Variants in DUT observed in about 807,000 individuals in gnomAD.
DUT encodes deoxyuridine 5'-triphosphate nucleotidohydrolase, mitochondrial.
In DUT, 21 loss-of-function variants were observed where a neutral mutation model predicts 28.8. The observed-to-expected ratio is 0.73, with a 90% CI of 0.52 to 1.05. The LOEUF is 1.05. Ranked by LOEUF, DUT falls within the 50% of genes least tolerant of loss-of-function variation. The pLI is 0.00. For synonymous variants in DUT, 147 were observed against 143.7 expected (o/e 1.02, Z -0.17); for missense variants, 344 against 351.8 (o/e 0.98, Z 0.18).
rs749520057 is a variant in DUT at position 48,332,337 on chromosome 15, C to T, written c.350C>T (p.Ala117Val). Residue 117 changes from alanine (A) to valine (V), a missense_variant, in exon 2 of 7, where the codon GCC becomes GTC. Coordinates refer to ENST00000331200, the MANE Select transcript of DUT (RefSeq NM_001025248.2). ...GTGGGCGGCATGCAGCTCCGCTTTGCCCGGCTCTCCGAGCACGCCACGGCC... is the reference window on the plus strand; with the variant it reads ...GTGGGCGGCATGCAGCTCCGCTTTGTCCGGCTCTCCGAGCACGCCACGGCC... The part of the protein sequence containing the change: ...AEVGGMQLRF[A>V]RLSEHATAPT... 18 of 1,607,076 alleles carry T rather than the reference C, an allele frequency of 1.1e-5. No homozygotes were observed. The highest frequency in any genetic ancestry group is 1.5e-5 in the Non-Finnish European group (18 of 1,177,712).
chr15:48,334,438 A>G lies in DUT; in HGVS notation c.441A>G (p.Pro147=), dbSNP rs762653430. 6.2e-7 allele frequency: 1 copy of G among 1,607,324 alleles called. No individual in the cohort carries two copies. Among genetic ancestry groups the G allele is most frequent in the Non-Finnish European group, 8.5e-7 (1 of 1,175,836 alleles). ...TTAGTGCCTATGATTACACAATACCACCTATGGAGAAAGCTGTTGTGAAAA... is the reference window on the plus strand; with the variant it reads ...TTAGTGCCTATGATTACACAATACCGCCTATGGAGAAAGCTGTTGTGAAAA... ...DLYSAYDYTI[P]PMEKAVVKTD... Residue 147 remains proline (P), a synonymous_variant, in exon 3 of 7, where the codon CCA becomes CCG. Coordinates refer to ENST00000331200, the MANE Select transcript of DUT (RefSeq NM_001025248.2).
At position 48,336,061 on chromosome 15, in the gene DUT, T is replaced by C; in HGVS notation, c.527T>C (p.Leu176Ser). Residue 176 changes from leucine to serine, a missense_variant, in exon 4 of 7, where the codon TTG (leucine) becomes TCG (serine). Transcript: ENST00000331200. Reference protein sequence around the residue: ...CYGRVAPRSGLAAKHFIDVGA... With the variant: ...CYGRVAPRSGSAAKHFIDVGA... ...TGTTTTTTAGCTCCACGGTCAGGCT[T>C]GGCTGCAAAACACTTTATTGATGTA... 6.2e-7 allele frequency: 1 copy of C among 1,604,954 alleles called. No individual in the cohort carries two copies. Among genetic ancestry groups the C allele is most frequent in the East Asian group, 2.3e-5 (1 of 44,402 alleles).
upstream of DUT, chr15:48,331,325 G>A (rs1382231988): frequency 3.5e-6 from 5 of 1,441,396 alleles, no homozygotes; most frequent in East Asian, 2.6e-5. Context: ...CGCCAACGGC[G>A]CCGTCTTCCT....
intron 4 of DUT, 60 bp downstream of exon 4, chr15:48,336,150 G>A (rs1253538860): frequency 8.1e-6 from 11 of 1,361,250 alleles, no homozygotes; most frequent in African/African-American, 3.0e-5. Flanking sequence ...GTCTTTAAAA[G>A]GTAATATTCA....
At chr15:48,331,096 C>A, upstream of DUT, 2 of 733,948 alleles carry the variant, frequency 2.7e-6, no homozygotes, top group Admixed American at 4.8e-5. Context: ...GCCCCGGGCG[C>A]AATAACTGTC....
At chr15:48,339,751 TACTC>T (rs2042512675) in intron 4 of DUT, among the ~76,000 whole-genome samples, 1 of 152,206 alleles carries the variant, frequency 6.6e-6, no homozygotes, top group African/African-American at 2.4e-5. Context: ...CCCAGTTTTA[TACTC>T]ACTCTTCTCG....
At chr15:48,332,724 A>G (rs2042432421) in intron 2 of DUT, 1 of 568,850 alleles carries the variant, frequency 1.8e-6, no homozygotes, top group Middle Eastern at 2.7e-4. Context: ...GCTGTGCTCA[A>G]TAGAAAAACC....
chr15:48,335,928 T>C (rs773071752), intron 3 of DUT, 118 bp from the exon 4 acceptor site: 10 of 769,108 alleles, frequency 1.3e-5, no homozygotes, highest in Non-Finnish European at 1.9e-5. Context: ...TGTGCTAAAG[T>C]TAAGATGAAG....
chr15:48,332,745 C>T (rs1566872003), intron 2 of DUT: 1 of 538,914 alleles, frequency 1.9e-6, no homozygotes. Flanking sequence ...AAGGTGAGAG[C>T]CTAGATGTGA....
chr15:48,334,530 T>C, intron 3 of DUT, 22 bp downstream of exon 3: 1 of 1,530,176 alleles, frequency 6.5e-7, no homozygotes, highest in Non-Finnish European at 9.0e-7. Context: ...AAGAAACAGG[T>C]AACTATTTGT....
At position 48,341,390 on chromosome 15, in the gene DUT, A is replaced by G. The variant is rs750486663; in HGVS notation, c.631+27A>G. On this transcript the variant is annotated intron_variant, in intron 5 of 6. Coordinates refer to ENST00000331200, the MANE Select transcript of DUT (RefSeq NM_001025248.2). The stretch of plus-strand genomic sequence containing the variant: ...TATGTTAAATATATACATTCACATA[A>G]TTTTAGTGAATTTTCAGAGTCATGT... 1.9e-6 allele frequency: 3 copies of G among 1,578,146 alleles called. No individual in the cohort carries two copies. In the African/African-American group the frequency reaches 4.0e-5, roughly 21 times the overall value.
chr15:48,335,213 A>G (rs1188864812), intron 3 of DUT, among the ~76,000 whole-genome samples: 1 of 152,188 alleles, frequency 6.6e-6, no homozygotes, highest in Non-Finnish European at 1.5e-5. Flanking sequence ...ATGGAGTGAA[A>G]TAAAGGTTAG....
Position 48,341,343 on chromosome 15 carries a change from T to G in DUT, c.611T>G (p.Phe204Cys). ...AATGTTGGTGTTGTACTGTTTAATT[T>G]TGGCAAAGAAAAGTTTGAAGGTATG... The part of the protein sequence containing the change: ...RGNVGVVLFN[F>C]GKEKFEVKKG... Residue 204 changes from phenylalanine to cysteine, a missense_variant, in exon 5 of 7, where the codon TTT becomes TGT. Phe to Cys is a radical substitution (Grantham distance 205). Transcript: ENST00000331200. 6.2e-7 allele frequency: 1 copy of G among 1,611,592 alleles called. No homozygotes were observed. Among genetic ancestry groups the G allele is most frequent in the South Asian group, 1.1e-5 (1 of 90,956 alleles).
chr15:48,341,294 G>A lies in DUT; in HGVS notation c.562G>A (p.Val188Ile), dbSNP rs2042531083. Reference sequence around the variant, plus strand: ...ATTACTTTTCTTTTCTCTAGCTGGTGTCATAGATGAAGATTATAGAGGAAA... The same window carrying A: ...ATTACTTTTCTTTTCTCTAGCTGGTATCATAGATGAAGATTATAGAGGAAA... ...AKHFIDVGAG[V>I]IDEDYRGNVG... Residue 188 changes from valine (V) to isoleucine (I), a missense_variant, in exon 5 of 7, where the codon GTC (valine) becomes ATC (isoleucine). Physicochemically the swap from Val to Ile is conservative, Grantham distance 29. Transcript: ENST00000331200. The A allele has an allele frequency of 1.9e-6, 3 of 1,595,162 alleles. No individual in the cohort carries two copies. Among genetic ancestry groups the A allele is most frequent in the Non-Finnish European group, 2.6e-6 (3 of 1,172,628 alleles).
In DUT at chr15:48,336,103, C is replaced by T. The variant is rs1047909162; in HGVS notation, c.556+13C>T. On this transcript the variant is annotated intron_variant, in intron 4 of 6. Transcript: ENST00000331200. ...ATTGATGTAGGAGGTAATATATTTC[C>T]TTTTTTATTCTGTAAATGTTTGCAA... 5.7e-6 allele frequency: 9 copies of T among 1,580,356 alleles called. No individual in the cohort carries two copies. The highest frequency in any genetic ancestry group is 6.9e-6 in the Non-Finnish European group (8 of 1,167,882).
In DUT at chr15:48,332,296, G is replaced by T. The variant is rs1260107534; in HGVS notation, c.309G>T (p.Arg103=). 2 of 1,609,108 alleles carry T rather than the reference G, an allele frequency of 1.2e-6. No homozygotes were observed. Among genetic ancestry groups the T allele is most frequent in the Non-Finnish European group, 1.7e-6 (2 of 1,178,516 alleles). Reference sequence around the variant, plus strand: ...CACCCGCCATTTCACCCAGTAAGCGGGCCCGGCCTGCGGAGGTGGGCGGCA... The same window carrying T: ...CACCCGCCATTTCACCCAGTAAGCGTGCCCGGCCTGCGGAGGTGGGCGGCA... ...PETPAISPSK[R]ARPAEVGGMQ... Residue 103 remains arginine (R), a synonymous_variant, in exon 2 of 7, where the codon CGG becomes CGT. Coordinates refer to ENST00000331200, the MANE Select transcript of DUT (RefSeq NM_001025248.2).
At position 48,332,877 on chromosome 15, in the gene DUT, C is replaced by T. The variant is rs1185099623; in HGVS notation, c.419+471C>T. ...ATCTGAAAACGAAAGGCAGAGCTGCCTGTAATCTACCACACTTTCATCTCT... is the reference window on the plus strand; with the variant it reads ...ATCTGAAAACGAAAGGCAGAGCTGCTTGTAATCTACCACACTTTCATCTCT... On this transcript the variant is annotated intron_variant, in intron 2 of 6. Coordinates refer to ENST00000331200, the MANE Select transcript of DUT (RefSeq NM_001025248.2). 11 of 427,616 alleles carry T rather than the reference C, an allele frequency of 2.6e-5. No individual in the cohort carries two copies. The Admixed American group carries it at 2.8e-4, about 11-fold the overall frequency. The allele number at this position is 427,616 out of a possible 1,614,324, so 26.5% of individuals were successfully genotyped here. A position where few individuals can be genotyped will look rare whatever the true frequency, so the allele number is the denominator to read the frequency against.
chr15:48,331,372 G>C, upstream of DUT: 2 of 1,468,388 alleles, frequency 1.4e-6, no homozygotes, highest in East Asian at 2.6e-5. Flanking sequence ...GGGCTGCCGG[G>C]GCACCGCCTC....
intron 4 of DUT, among the ~76,000 whole-genome samples, chr15:48,338,287 A>C (rs1441493290): frequency 2.0e-5 from 3 of 151,968 alleles, no homozygotes; most frequent in Admixed American, 2.0e-4. Flanking sequence ...GGTTTTTCAC[A>C]TTTTCGTGGC....
Sources: gnomAD v4.1 joint callset for allele counts (sites outside exome capture counted in the v4.1 genomes callset) on GRCh38, gnomAD v4.1.1 for gene constraint, MANE v1.5 for transcripts, NCBI Gene and HGNC (gene_info 2026-07-23, HGNC 2026-07-21) for gene names.